The following GRIP1 variants were observed in gnomAD, a reference collection of about 807,000 sequenced individuals.
GRIP1 encodes glutamate receptor-interacting protein 1.
Under a neutral mutation model 129.9 loss-of-function variants are expected in GRIP1, and 45 were observed. The observed-to-expected ratio is 0.35, with a 90% confidence interval of 0.27 to 0.44. GRIP1 has a LOEUF of 0.44. Ranked by LOEUF, GRIP1 falls within the 20% of genes least tolerant of loss-of-function variation. The probability of loss-of-function intolerance (pLI) is 1.00; values close to 1 mark genes in which losing one functional copy is unlikely to be tolerated. For missense variants in GRIP1, 1,196 were observed against 1,396.8 expected, an observed-to-expected ratio of 0.86 and a Z score of 2.29; for synonymous variants, 530 against 520.8, an observed-to-expected ratio of 1.02 and a Z score of -0.24.
At chr12:66,509,973 G>C (rs186327591) in intron 7 of GRIP1, among the ~76,000 whole-genome samples, 39 of 151,802 alleles carry the variant, frequency 2.6e-4, no homozygotes, top group African/African-American at 9.2e-4. Context: ...AAAAAAAAAA[G>C]ATGCTCATGC....
chr12:66,638,485 C>T (rs1382934350), intron 1 of GRIP1, among the ~76,000 whole-genome samples: 1 of 152,134 alleles, frequency 6.6e-6, no homozygotes, highest in Non-Finnish European at 1.5e-5. Context: ...GTACTTTGGC[C>T]ACTGTACTGT....
rs148322228 is a variant in GRIP1, at chr12:66,743,516, T to C, written c.-420+60537A>G. Among the ~76,000 whole-genome samples the C allele has an allele frequency of 2.2e-3, 334 of 152,216 alleles. 3 individuals are homozygous for C. Among genetic ancestry groups the C allele is most frequent in the African/African-American group, 7.0e-3 (292 of 41,540 alleles). ...CAGGGACCTGGAAGAAGTCAATATA[T>C]CAGCCAGAATAAATAGTGATCATAC... On this transcript the variant is annotated intron_variant, in intron 1 of 4. Transcript: ENST00000538373.
At chr12:66,401,609 T>TATATATATACACACACACAC (rs1169241331) in intron 16 of GRIP1, among the ~76,000 whole-genome samples, 5 of 110,176 alleles carry the variant, frequency 4.5e-5, no homozygotes, top group Admixed American at 2.9e-4. Flanking sequence ...TATATATATA[T>TATATATATACACACACACAC]ACACACACAC....
rs369662647 is a variant in GRIP1 at position 66,461,127 on chromosome 12, T to A, written c.1042+1797A>T. Among the ~76,000 whole-genome samples, 35 of 152,364 alleles carry A rather than the reference T, an allele frequency of 2.3e-4. No homozygotes were observed. The South Asian group carries it at 7.0e-3, about 31-fold the overall frequency. On this transcript the variant is annotated intron_variant, in intron 9 of 24. Coordinates refer to ENST00000359742, the MANE Select transcript of GRIP1 (RefSeq NM_001366722.1). Reference sequence around the variant, plus strand: ...TTTGTGCTTAGTCCATATATTTTAGTGTATAAATTAAACTCAAATTGCCTT... The same window carrying A: ...TTTGTGCTTAGTCCATATATTTTAGAGTATAAATTAAACTCAAATTGCCTT...
At chr12:67,069,079 A>G in exon 1 of GRIP1, 1 of 982,556 alleles carries the variant, frequency 1.0e-6, no homozygotes, top group Non-Finnish European at 1.2e-6. Context: ...CTGCAAGCAG[A>G]TAGGGATATT....
chr12:66,889,619 C>A (rs2040623676), intron 1 of GRIP1, among the ~76,000 whole-genome samples: 1 of 152,116 alleles, frequency 6.6e-6, no homozygotes, highest in Admixed American at 6.5e-5. Context: ...AAATTCATTC[C>A]TTGATCAGGA....
chr12:67,039,395 T>C (rs1187727052), intron 1 of GRIP1, among the ~76,000 whole-genome samples: 1 of 152,120 alleles, frequency 6.6e-6, no homozygotes, highest in Admixed American at 6.5e-5. Flanking sequence ...TAAAAGTATA[T>C]GAGATGAAAA....
intron 23 of GRIP1, among the ~76,000 whole-genome samples, chr12:66,371,010 C>T (rs951351209): frequency 2.0e-4 from 31 of 152,118 alleles, no homozygotes; most frequent in African/African-American, 7.2e-4. Flanking sequence ...TGCATTGAAC[C>T]TGAACCCCTT....
At chr12:66,990,144 G>A (rs1231679949) in intron 1 of GRIP1, among the ~76,000 whole-genome samples, 2 of 152,186 alleles carry the variant, frequency 1.3e-5, no homozygotes, top group Non-Finnish European at 2.9e-5. Flanking sequence ...ATCTAGGGAG[G>A]TGGGATTTGT....
chr12:66,470,719 A>G (rs1000852788), intron 7 of GRIP1, among the ~76,000 whole-genome samples: 3 of 152,202 alleles, frequency 2.0e-5, no homozygotes, highest in African/African-American at 7.2e-5. Context: ...CACATGGTAC[A>G]CTCAAATTAG....
intron 1 of GRIP1, among the ~76,000 whole-genome samples, chr12:66,886,560 A>G (rs539658351): frequency 6.6e-6 from 1 of 152,196 alleles, no homozygotes; most frequent in African/African-American, 2.4e-5. Flanking sequence ...TCATATTCCC[A>G]AATGTAAAAT....
At chr12:66,782,946 C>T (rs2038206579) in intron 1 of GRIP1, among the ~76,000 whole-genome samples, 1 of 152,168 alleles carries the variant, frequency 6.6e-6, no homozygotes, top group South Asian at 2.1e-4. Flanking sequence ...TCATTTCTCA[C>T]TCTGGAGTCT....
At position 66,456,240 on chromosome 12, in the gene GRIP1, T is replaced by C. The variant is rs545335103; in HGVS notation, c.1145A>G (p.His382Arg). 55 of 1,289,448 alleles carry C rather than the reference T, an allele frequency of 4.3e-5. No homozygotes were observed. In the African/African-American group the frequency reaches 7.4e-4, roughly 17 times the overall value. 79.9% of individuals were successfully genotyped at this position (1,289,448 alleles called of 1,614,324 possible). ...GAATGTCAGGGCTGGTACTCTGCAA[T>C]GGTCAGGGTGGTACGTGTTATAGTG... ...NHHYNTYHPDHCRVPALTFPK... is the reference protein window; with the variant it reads ...NHHYNTYHPDRCRVPALTFPK... Residue 382 changes from histidine (H) to arginine (R), a missense_variant, in exon 10 of 25, where the codon CAT becomes CGT. His to Arg is a conservative substitution (Grantham distance 29). Around this residue, in one of 5 missense-constraint regions of GRIP1, gnomAD observed 508 missense variants for 587.0 expected, o/e 0.87. Coordinates refer to ENST00000359742, the MANE Select transcript of GRIP1 (RefSeq NM_001366722.1).
At position 66,679,008 on chromosome 12, in the gene GRIP1, G is replaced by A; in HGVS notation, c.-104C>T. ...TCCTTGCGCACATACCAGGAGAAAG[G>A]TAGTCCCAGTGGGGAGTGACAAAGC... On this transcript the variant is annotated 5_prime_UTR_variant, in exon 1 of 25. Coordinates refer to ENST00000359742, the MANE Select transcript of GRIP1 (RefSeq NM_001366722.1). The A allele has an allele frequency of 6.3e-7, 1 of 1,589,450 alleles. No homozygotes were observed. The highest frequency in any genetic ancestry group is 8.6e-7 in the Non-Finnish European group (1 of 1,167,038).
chr12:66,878,500 G>A lies in GRIP1; in HGVS notation c.58+190550C>T, dbSNP rs564084323. On this transcript the variant is annotated intron_variant, in intron 1 of 1. Transcript: ENST00000643019. The stretch of plus-strand genomic sequence containing the variant: ...ATGGAGGGCAGATTGGAGTGATGAT[G>A]TTAGGGTGGAGAAGGGAGACTGCAG... 2.0e-5 allele frequency among the ~76,000 whole-genome samples: 3 copies of A among 152,148 alleles called. No homozygotes were observed. In the South Asian group the frequency reaches 6.2e-4, roughly 32 times the overall value.
In GRIP1 at chr12:66,872,953, A is replaced by G. The variant is rs189632526; in HGVS notation, c.58+196097T>C. 8.5e-5 allele frequency among the ~76,000 whole-genome samples: 13 copies of G among 152,204 alleles called. No individual in the cohort carries two copies. The East Asian group carries it at 2.3e-3, about 27-fold the overall frequency. On this transcript the variant is annotated intron_variant, in intron 1 of 1. Transcript: ENST00000643019. ...AGACTTCATCAGGGAAGAATTGAAG[A>G]GTGACTTATGGCTGAGTTGGAATTA...
chr12:66,532,621 T>C lies in GRIP1; in HGVS notation c.419-2707A>G, dbSNP rs146044507. Among the ~76,000 whole-genome samples the C allele has an allele frequency of 7.2e-5, 11 of 152,308 alleles. No homozygotes were observed. The East Asian group carries it at 1.5e-3, about 21-fold the overall frequency. On this transcript the variant is annotated intron_variant, in intron 4 of 24. Coordinates refer to ENST00000359742, the MANE Select transcript of GRIP1 (RefSeq NM_001366722.1). Reference sequence around the variant, plus strand: ...TAACAGACACAAGCAGAGGCTGGAATTGCACTTACATGGTTGTGCTTGCCC... The same window carrying C: ...TAACAGACACAAGCAGAGGCTGGAACTGCACTTACATGGTTGTGCTTGCCC...
At chr12:66,733,509 C>T (rs1048038630) in intron 1 of GRIP1, among the ~76,000 whole-genome samples, 2 of 152,046 alleles carry the variant, frequency 1.3e-5, no homozygotes, top group African/African-American at 4.8e-5. Flanking sequence ...GATGAGATGG[C>T]TACAGCTCAG....
chr12:67,013,809 C>A (rs747928318), intron 1 of GRIP1, among the ~76,000 whole-genome samples: 1 of 152,166 alleles, frequency 6.6e-6, no homozygotes, highest in Non-Finnish European at 1.5e-5. Context: ...TTCTGTCAAC[C>A]ATGGTAATAG....
Sources: gnomAD v4.1 joint callset for allele counts (sites outside exome capture counted in the v4.1 genomes callset) on GRCh38, gnomAD v4.1.1 for gene constraint, gnomAD v4.1.1 regional missense constraint, MANE v1.5 for transcripts, NCBI Gene and HGNC (gene_info 2026-07-23, HGNC 2026-07-21) for gene names.